The following SH3BGRL variants were observed in gnomAD, a reference collection of about 807,000 sequenced individuals.
The protein encoded by SH3BGRL is SH3 domain binding glutamate rich protein like.
A neutral mutation model predicts 9.8 loss-of-function variants in SH3BGRL; 7 were observed. The observed-to-expected ratio is 0.72, with a 90% CI of 0.41 to 1.35. The LOEUF is 1.35. Among genes scored for constraint, SH3BGRL ranks in the 40% most tolerant of loss-of-function variants. The probability of loss-of-function intolerance (pLI) is 0.01; values close to 1 mark genes in which losing one functional copy is unlikely to be tolerated. For synonymous variants in SH3BGRL, 36 were observed against 29.1 expected (o/e 1.24, Z -0.76); for missense variants, 73 against 84.4 (o/e 0.86, Z 0.53).
chrX:81,284,122 C>T (rs1334154512), intron 3 of SH3BGRL, among the ~76,000 whole-genome samples: 1 of 109,153 alleles, frequency 9.2e-6, no homozygotes, highest in Non-Finnish European at 1.9e-5. Flanking sequence ...AGTAGAAAGA[C>T]CTCTACAAGG....
chrX:81,272,725 T>C (rs923079429), intron 1 of SH3BGRL, among the ~76,000 whole-genome samples: 3 of 110,446 alleles, frequency 2.7e-5, no homozygotes, highest in Middle Eastern at 9.3e-3. Flanking sequence ...GGTCTCGATC[T>C]CCTGACCTCG....
chrX:81,261,793 G>A (rs185968431), intron 1 of SH3BGRL, among the ~76,000 whole-genome samples: 92 of 111,043 alleles, frequency 8.3e-4, no homozygotes, highest in Admixed American at 1.5e-3. Flanking sequence ...TCAAATCCTA[G>A]GTAAAAAGAA....
At chrX:81,212,218 G>T (rs960551201) in intron 1 of SH3BGRL, among the ~76,000 whole-genome samples, 3 of 109,060 alleles carry the variant, frequency 2.8e-5, no homozygotes, top group Admixed American at 2.0e-4. Context: ...AACAAAGTGA[G>T]ACCCTGTCTC....
At chrX:81,295,023 G>T (rs1349163681) in intron 3 of SH3BGRL, among the ~76,000 whole-genome samples, 1 of 112,330 alleles carries the variant, frequency 8.9e-6, no homozygotes. Context: ...TACCATCGTT[G>T]TATCTAGGAA....
At chrX:81,283,625 A>T (rs994484869) in intron 3 of SH3BGRL, among the ~76,000 whole-genome samples, 1 of 111,783 alleles carries the variant, frequency 8.9e-6, no homozygotes, top group African/African-American at 3.3e-5. Flanking sequence ...GCATCACTTT[A>T]TGATTAAAAC....
chrX:81,237,387 G>A (rs758642573), intron 1 of SH3BGRL: 7 of 282,026 alleles, frequency 2.5e-5, no homozygotes, highest in Non-Finnish European at 3.4e-5. Context: ...CTCCCTCCCC[G>A]ACCAGCAGCA....
intron 1 of SH3BGRL, among the ~76,000 whole-genome samples, chrX:81,236,252 A>G (rs2075647531): frequency 8.9e-6 from 1 of 111,840 alleles, no homozygotes; most frequent in Admixed American, 9.5e-5. Context: ...AGGATTCTGC[A>G]TTTTAAGCAG....
At chrX:81,258,825 A>C (rs893663170) in intron 1 of SH3BGRL, among the ~76,000 whole-genome samples, 1 of 112,364 alleles carries the variant, frequency 8.9e-6, no homozygotes, top group Admixed American at 9.4e-5. Context: ...GACATTTGGG[A>C]AATCTGTATT....
At chrX:81,279,829 C>T (rs957191099) in intron 3 of SH3BGRL, among the ~76,000 whole-genome samples, 1 of 111,403 alleles carries the variant, frequency 9.0e-6, no homozygotes, top group Non-Finnish European at 1.9e-5. Context: ...GAAGAAGCCT[C>T]CTGGCCAGAA....
intron 1 of SH3BGRL, among the ~76,000 whole-genome samples, chrX:81,270,169 T>C (rs776034534): frequency 5.1e-4 from 57 of 111,177 alleles, no homozygotes; most frequent in African/African-American, 1.9e-3. Flanking sequence ...TAAAACATGC[T>C]CCTTTAGCTC....
At chrX:81,280,527 G>T (rs1466873957) in intron 3 of SH3BGRL, among the ~76,000 whole-genome samples, 2 of 111,793 alleles carry the variant, frequency 1.8e-5, no homozygotes, top group East Asian at 5.7e-4. Flanking sequence ...TACCAACCAG[G>T]ATCTGGGTAG....
At chrX:81,205,512 A>G (rs1277244268) in intron 1 of SH3BGRL, among the ~76,000 whole-genome samples, 2 of 104,086 alleles carry the variant, frequency 1.9e-5, no homozygotes, top group East Asian at 3.0e-4. Context: ...GTGTATATAT[A>G]TATATATATA....
At chrX:81,224,857 T>A (rs1419156674) in intron 1 of SH3BGRL, among the ~76,000 whole-genome samples, 2 of 111,149 alleles carry the variant, frequency 1.8e-5, no homozygotes, top group Non-Finnish European at 3.8e-5. Flanking sequence ...TTCTTTTTCC[T>A]CAACTCTGGA....
At chrX:81,247,203 G>C (rs902402528) in intron 1 of SH3BGRL, among the ~76,000 whole-genome samples, 3 of 111,988 alleles carry the variant, frequency 2.7e-5, no homozygotes, top group African/African-American at 9.7e-5. Context: ...TTTCCAAGAG[G>C]CTTCTGGAAG....
intron 1 of SH3BGRL, among the ~76,000 whole-genome samples, chrX:81,259,312 A>G (rs2075734224): frequency 8.9e-6 from 1 of 112,104 alleles, no homozygotes; most frequent in Admixed American, 9.5e-5. Context: ...TGTTGCATAG[A>G]GAAGGTGGTG....
chrX:81,275,719 C>T (rs1176287225), intron 1 of SH3BGRL, among the ~76,000 whole-genome samples: 1 of 112,191 alleles, frequency 8.9e-6, no homozygotes, highest in Non-Finnish European at 1.9e-5. Flanking sequence ...TTGCTAGATT[C>T]TAACTGATCT....
At chrX:81,215,439 A>G (rs894475805) in intron 1 of SH3BGRL, among the ~76,000 whole-genome samples, 1 of 110,999 alleles carries the variant, frequency 9.0e-6, no homozygotes, top group Non-Finnish European at 1.9e-5. Context: ...GTTGCCAGCC[A>G]CTGGACTAAA....
chrX:81,253,494 C>A (rs1214572372), intron 1 of SH3BGRL, among the ~76,000 whole-genome samples: 1 of 111,490 alleles, frequency 9.0e-6, no homozygotes, highest in Non-Finnish European at 1.9e-5. Flanking sequence ...GCTGGAATTA[C>A]AAGCGTGAGC....
intron 1 of SH3BGRL, among the ~76,000 whole-genome samples, chrX:81,252,151 A>T (rs1353141989): frequency 8.9e-6 from 1 of 112,103 alleles, no homozygotes; most frequent in Non-Finnish European, 1.9e-5. Context: ...GTTTACAGAA[A>T]CTGCATCTAT....
Sources: allele counts gnomAD v4.1 joint callset (sites outside exome capture counted in the v4.1 genomes callset), GRCh38; gene constraint gnomAD v4.1.1; transcripts MANE v1.5; gene names NCBI Gene and HGNC (gene_info 2026-07-23, HGNC 2026-07-21).